The following FLVCR1 variants were observed in gnomAD, a reference collection of about 807,000 sequenced individuals.
FLVCR1 encodes the protein choline/ethanolamine transporter FLVCR1.
A neutral mutation model predicts 53.6 loss-of-function variants in FLVCR1; 34 were observed. The observed-to-expected ratio is 0.63, with a 90% CI of 0.48 to 0.84. The LOEUF (loss-of-function observed/expected upper bound fraction) is 0.84. Among genes scored for constraint, FLVCR1 ranks in the 40% least tolerant of loss-of-function variants. The probability of loss-of-function intolerance (pLI) is 0.00; values close to 1 mark genes in which losing one functional copy is unlikely to be tolerated. For missense variants in FLVCR1, 677 were observed against 696.7 expected (o/e 0.97, Z 0.32); for synonymous variants, 300 against 286.3 (o/e 1.05, Z -0.48).
intron 7 of FLVCR1, among the ~76,000 whole-genome samples, chr1:212,888,798 C>T (rs186006807): frequency 2.6e-5 from 4 of 152,172 alleles, no homozygotes; most frequent in South Asian, 2.1e-4. Flanking sequence ...AATCCTCCCC[C>T]CTCTGCCTCC....
intron 6 of FLVCR1, 30 bp from the exon 7 acceptor site, chr1:212,888,459 C>T (rs1039920959): frequency 2.0e-6 from 3 of 1,469,878 alleles, no homozygotes; most frequent in Non-Finnish European, 2.9e-6. Flanking sequence ...TCTGGTAGTT[C>T]TTTCTGTAAT....
intron 6 of FLVCR1, 68 bp downstream of exon 6, chr1:212,888,069 G>C (rs947421407): frequency 1.0e-6 from 1 of 962,886 alleles, no homozygotes; most frequent in Non-Finnish European, 1.7e-6. Flanking sequence ...TATTACTCTG[G>C]TCTTTAATTT....
chr1:212,893,052 G>A (rs995832929), intron 8 of FLVCR1, among the ~76,000 whole-genome samples: 4 of 118,098 alleles, frequency 3.4e-5, no homozygotes, highest in Non-Finnish European at 7.1e-5. Flanking sequence ...ATGAAGGGTT[G>A]CTTCTTTTTT....
intron 1 of FLVCR1, among the ~76,000 whole-genome samples, chr1:212,863,134 T>C (rs539490682): frequency 4.6e-5 from 7 of 152,228 alleles, no homozygotes; most frequent in Non-Finnish European, 1.0e-4. Context: ...TGCATATTCT[T>C]ATTCCCCTTT....
intron 3 of FLVCR1, among the ~76,000 whole-genome samples, chr1:212,875,526 G>T (rs965818519): frequency 1.3e-5 from 2 of 152,138 alleles, no homozygotes; most frequent in African/African-American, 4.8e-5. Flanking sequence ...TGGAGTTTTG[G>T]TGTCTTTGAT....
At chr1:212,878,510 G>A (rs1664830250) in intron 3 of FLVCR1, among the ~76,000 whole-genome samples, 1 of 142,524 alleles carries the variant, frequency 7.0e-6, no homozygotes, top group African/African-American at 2.6e-5. Flanking sequence ...CTCCAGCCTG[G>A]GCGACAGAGT....
chr1:212,895,417 A>G lies in FLVCR1; in HGVS notation c.*127A>G, dbSNP rs1665307737. 5.6e-6 allele frequency: 4 copies of G among 719,540 alleles called. No individual in the cohort carries two copies. The South Asian group carries it at 6.1e-5, about 11-fold the overall frequency. The allele number at this position is 719,540 out of a possible 1,614,324, so 44.6% of individuals were successfully genotyped here. On this transcript the variant is annotated 3_prime_UTR_variant, in exon 10 of 10. Coordinates refer to ENST00000366971, the MANE Select transcript of FLVCR1 (RefSeq NM_014053.4). ...TAAACACACTTACTTGAAAATTACCATATGAACTCTAAATGCATAATTATT... is the reference window on the plus strand; with the variant it reads ...TAAACACACTTACTTGAAAATTACCGTATGAACTCTAAATGCATAATTATT...
intron 5 of FLVCR1, 169 bp downstream of exon 5, chr1:212,885,565 TTTTGAGACG>T: frequency 1.9e-5 from 9 of 471,040 alleles, no homozygotes; most frequent in South Asian, 2.3e-5. Context: ...TTTTTTTTTT[TTTTGAGACG>T]GAGTCTCGTT....
chr1:212,858,822 C>G lies in FLVCR1; in HGVS notation c.370C>G (p.Gln124Glu). The change falls in exon 1 of 10, where the codon CAG becomes GAG. Residue 124 changes from glutamine (Q) to glutamate (E), a missense_variant. Transcript: ENST00000366971. ...FSLYSLVNAF[Q>E]WIQYSIISNV... ...CCTGTACTCGCTGGTCAACGCCTTT[C>G]AGTGGATCCAGTACAGCATCATTAG... 6.2e-7 allele frequency: 1 copy of G among 1,614,238 alleles called. No individual in the cohort carries two copies. The highest frequency in any genetic ancestry group is 8.5e-7 in the Non-Finnish European group (1 of 1,180,044).
chr1:212,881,354 T>C (rs1209502531), intron 3 of FLVCR1, among the ~76,000 whole-genome samples: 1 of 151,164 alleles, frequency 6.6e-6, no homozygotes, highest in African/African-American at 2.4e-5. Context: ...TTTCTTTTTT[T>C]TTGAGACAGA....
intron 2 of FLVCR1, among the ~76,000 whole-genome samples, chr1:212,867,413 A>G (rs1228338153): frequency 6.6e-6 from 1 of 152,232 alleles, no homozygotes; most frequent in Non-Finnish European, 1.5e-5. Context: ...GAGGGTACCA[A>G]TATTCCCATT....
At chr1:212,873,220 G>A (rs750500130) in intron 3 of FLVCR1, among the ~76,000 whole-genome samples, 1 of 151,980 alleles carries the variant, frequency 6.6e-6, no homozygotes, top group Non-Finnish European at 1.5e-5. Flanking sequence ...GGCTGAGGCA[G>A]GAGAATCGCT....
At chr1:212,876,008 T>C (rs556918234) in intron 3 of FLVCR1, among the ~76,000 whole-genome samples, 33 of 151,670 alleles carry the variant, frequency 2.2e-4, no homozygotes, top group African/African-American at 6.8e-4. Context: ...TGCCTCAGCT[T>C]CCCGAGTAGC....
rs760892987 is a variant in FLVCR1 at position 212,858,785 on chromosome 1, C to T, written c.333C>T (p.Leu111=). ...TALSPRRFVV[L]LIFSLYSLVN... The stretch of plus-strand genomic sequence containing the variant: ...TCTCCCCGCGGCGCTTCGTGGTGCT[C>T]CTGATCTTCAGCCTGTACTCGCTGG... Residue 111 remains leucine, a synonymous_variant, in exon 1 of 10, where the codon CTC becomes CTT. Transcript: ENST00000366971. The T allele has an allele frequency of 1.2e-6, 2 of 1,614,166 alleles. No individual in the cohort carries two copies. The highest frequency in any genetic ancestry group is 1.7e-6 in the Non-Finnish European group (2 of 1,180,026).
intron 4 of FLVCR1, among the ~76,000 whole-genome samples, chr1:212,885,012 T>C (rs1422848925): frequency 6.6e-6 from 1 of 152,226 alleles, no homozygotes; most frequent in African/African-American, 2.4e-5. Context: ...TTAAGAATCC[T>C]AACAAAAATC....
chr1:212,881,177 A>T (rs6666362), intron 3 of FLVCR1, among the ~76,000 whole-genome samples: 103,989 of 151,852 alleles, frequency 0.68, 37,201 homozygotes, highest in East Asian at 1. Context: ...TAAAATTAGA[A>T]CTCTACATCA....
intron 2 of FLVCR1, among the ~76,000 whole-genome samples, chr1:212,868,898 A>G (rs1664522506): frequency 6.6e-6 from 1 of 152,128 alleles, no homozygotes; most frequent in African/African-American, 2.4e-5. Context: ...TGCTATTGTT[A>G]TTTACATTTT....
In FLVCR1 at chr1:212,889,471, A is replaced by G. The variant is rs41300993; in HGVS notation, c.1525+214A>G. On this transcript the variant is annotated intron_variant, in intron 8 of 9. Coordinates refer to ENST00000366971, the MANE Select transcript of FLVCR1 (RefSeq NM_014053.4). ...CTGCATAGCAAGCAAAACTGTTATA[A>G]TAAGAGTAGTAAAGGCTGGGTGTGT... Among the ~76,000 whole-genome samples the G allele has an allele frequency of 0.22, 34,113 of 152,204 alleles. 4,460 individuals are homozygous for G. The highest frequency in any genetic ancestry group is 0.44 in the East Asian group (2,265 of 5,170).
rs574056288 is a variant in FLVCR1 at position 212,865,588 on chromosome 1, T to A, written c.883+1719T>A. Among the ~76,000 whole-genome samples the A allele has an allele frequency of 4.1e-5, 6 of 147,036 alleles. No homozygotes were observed. The South Asian group carries it at 1.3e-3, about 31-fold the overall frequency. On this transcript the variant is annotated intron_variant, in intron 2 of 9. Coordinates refer to ENST00000366971, the MANE Select transcript of FLVCR1 (RefSeq NM_014053.4). ...ACCTCTACCTCCCAAGTTCAAGTGA[T>A]TCTCCTGCCTCAGCCTCCCGAGCAG...
Sources: allele counts gnomAD v4.1 joint callset (sites outside exome capture counted in the v4.1 genomes callset), GRCh38; gene constraint gnomAD v4.1.1; transcripts MANE v1.5; gene names NCBI Gene and HGNC (gene_info 2026-07-23, HGNC 2026-07-21).